The following SPOCK1 variants were observed in gnomAD, a reference collection of about 807,000 sequenced individuals.
SPOCK1 encodes SPARC (osteonectin), cwcv and kazal like domains proteoglycan 1.
Under a neutral mutation model 55.3 loss-of-function variants are expected in SPOCK1, and 23 were observed. The observed-to-expected ratio is 0.42, with a 90% CI of 0.30 to 0.59. The LOEUF is 0.59. Among genes scored for constraint, SPOCK1 ranks in the 20% least tolerant of loss-of-function variants. The probability of loss-of-function intolerance (pLI) is 0.22; values close to 1 mark genes in which losing one functional copy is unlikely to be tolerated. For missense variants in SPOCK1, 499 were observed against 552.5 expected (o/e 0.90, Z 0.97); for synonymous variants, 226 against 221.0 (o/e 1.02, Z -0.20).
chr5:137,198,178 TAAAAG>T (rs953571585), intron 3 of SPOCK1, among the ~76,000 whole-genome samples: 2 of 152,362 alleles, frequency 1.3e-5, no homozygotes, highest in South Asian at 2.1e-4. Context: ...TTCTATTCTA[TAAAAG>T]TATCAAAATT....
intron 6 of SPOCK1, among the ~76,000 whole-genome samples, chr5:137,016,639 C>G (rs947706090): frequency 3.3e-5 from 5 of 152,184 alleles, no homozygotes; most frequent in African/African-American, 9.7e-5. Flanking sequence ...TCATCTAGTT[C>G]TTGCACAATT....
At chr5:137,319,901 C>T (rs1163986071) in intron 2 of SPOCK1, among the ~76,000 whole-genome samples, 2 of 141,486 alleles carry the variant, frequency 1.4e-5, no homozygotes, top group African/African-American at 2.6e-5. Context: ...GCCGAGATTG[C>T]GCCACTGCAG....
chr5:137,082,830 C>T (rs1024445792), intron 5 of SPOCK1, among the ~76,000 whole-genome samples: 2 of 152,172 alleles, frequency 1.3e-5, no homozygotes, highest in African/African-American at 2.4e-5. Flanking sequence ...CCTTCTCTTC[C>T]GCTGATTTCA....
chr5:137,085,416 G>T (rs1752944628), intron 5 of SPOCK1, among the ~76,000 whole-genome samples: 1 of 152,218 alleles, frequency 6.6e-6, no homozygotes, highest in Admixed American at 6.5e-5. Context: ...CCAGTGAGAT[G>T]ATCCCACTCA....
chr5:137,052,767 G>T (rs970576550), intron 6 of SPOCK1, among the ~76,000 whole-genome samples: 4 of 152,094 alleles, frequency 2.6e-5, no homozygotes, highest in African/African-American at 9.7e-5. Flanking sequence ...TAATAGTAAA[G>T]ATTTTTAAAT....
intron 3 of SPOCK1, among the ~76,000 whole-genome samples, chr5:137,264,485 C>T (rs993658993): frequency 3.9e-5 from 6 of 152,138 alleles, no homozygotes; most frequent in Admixed American, 2.0e-4. Flanking sequence ...GCCTACTCCA[C>T]ACCCACCTCC....
In SPOCK1 at chr5:136,992,889, AAGAC is replaced by A. The variant is rs138247118; in HGVS notation, c.590-293_590-290del. The A allele has an allele frequency of 2.6e-3, 750 of 291,336 alleles. 5 individuals are homozygous for A. The highest frequency in any genetic ancestry group is 0.017 in the Middle Eastern group (18 of 1,058). The allele number at this position is 291,336 out of a possible 1,614,324, so 18.0% of individuals were successfully genotyped here. On this transcript the variant is annotated intron_variant, in intron 6 of 10. Transcript: ENST00000394945. ...TCTCACCGTTGTGTAGCATCCTCAG[AAGAC>A]AGACAATCACAGATCACTTTTGCTA...
intron 6 of SPOCK1, among the ~76,000 whole-genome samples, chr5:136,995,602 C>T (rs1751026274): frequency 6.6e-6 from 1 of 152,224 alleles, no homozygotes; most frequent in African/African-American, 2.4e-5. Context: ...TTGCCATGCG[C>T]ACCATCTATT....
intron 6 of SPOCK1, among the ~76,000 whole-genome samples, chr5:137,067,179 C>A (rs1752524873): frequency 6.6e-6 from 1 of 152,202 alleles, no homozygotes; most frequent in African/African-American, 2.4e-5. Flanking sequence ...TGAGCCCAAG[C>A]TTTCCTGGCC....
At chr5:137,327,060 A>T (rs1758094607) in intron 2 of SPOCK1, among the ~76,000 whole-genome samples, 1 of 152,222 alleles carries the variant, frequency 6.6e-6, no homozygotes, top group Admixed American at 6.5e-5. Flanking sequence ...ACTTTTTGAA[A>T]AGCCCAGGAG....
chr5:137,071,827 T>G (rs1372454524), intron 5 of SPOCK1, among the ~76,000 whole-genome samples: 2 of 152,148 alleles, frequency 1.3e-5, no homozygotes, highest in Admixed American at 6.5e-5. Context: ...CCCTCCTCCC[T>G]TCTCCCAGGT....
chr5:137,099,933 C>T (rs913087390), intron 5 of SPOCK1, among the ~76,000 whole-genome samples: 11 of 152,136 alleles, frequency 7.2e-5, no homozygotes, highest in African/African-American at 2.4e-4. Flanking sequence ...AGGATTCTGT[C>T]TGGATTTCAG....
chr5:137,240,717 CT>C (rs1173550103), intron 3 of SPOCK1, among the ~76,000 whole-genome samples: 12 of 151,948 alleles, frequency 7.9e-5, no homozygotes, highest in East Asian at 1.9e-4. Context: ...CAAGTTTATC[CT>C]TAAATACATT....
At chr5:137,332,395 G>A (rs1758203198) in intron 2 of SPOCK1, among the ~76,000 whole-genome samples, 1 of 152,088 alleles carries the variant, frequency 6.6e-6, no homozygotes, top group Non-Finnish European at 1.5e-5. Context: ...CCCACCCCGA[G>A]AACTCTGTGT....
intron 2 of SPOCK1, among the ~76,000 whole-genome samples, chr5:137,492,890 G>T (rs575803512): frequency 1.3e-5 from 2 of 152,290 alleles, no homozygotes; most frequent in South Asian, 4.2e-4. Context: ...TAGCCCTTTG[G>T]AATTCCAGCT....
chr5:137,130,825 G>A (rs1208806518), intron 4 of SPOCK1, among the ~76,000 whole-genome samples: 2 of 152,148 alleles, frequency 1.3e-5, no homozygotes, highest in African/African-American at 4.8e-5. Flanking sequence ...CAGCAACATT[G>A]GGTTCAATGT....
At chr5:137,277,791 C>A (rs188173001) in intron 2 of SPOCK1, among the ~76,000 whole-genome samples, 1 of 152,196 alleles carries the variant, frequency 6.6e-6, no homozygotes, top group Non-Finnish European at 1.5e-5. Flanking sequence ...TCCACCCCTA[C>A]CCTCAGGCCC....
chr5:137,140,774 G>C lies in SPOCK1; in HGVS notation c.233-80C>G, dbSNP rs1298683933. 16 of 359,334 alleles carry C rather than the reference G, an allele frequency of 4.5e-5. No individual in the cohort carries two copies. The East Asian group carries it at 5.5e-4, about 12-fold the overall frequency. 22.3% of individuals were successfully genotyped at this position (359,334 alleles called of 1,614,324 possible). ...TTTTTTTTTTTTTTTTTTTTTTTTTGTTGAGACGGACTCTCGCTGTGTTGC... is the reference window on the plus strand; with the variant it reads ...TTTTTTTTTTTTTTTTTTTTTTTTTCTTGAGACGGACTCTCGCTGTGTTGC... On this transcript the variant is annotated intron_variant, in intron 3 of 10. Transcript: ENST00000394945.
intron 3 of SPOCK1, among the ~76,000 whole-genome samples, chr5:137,253,618 G>A (rs1005817578): frequency 1.3e-5 from 2 of 152,136 alleles, no homozygotes; most frequent in African/African-American, 4.8e-5. Flanking sequence ...CAGCCATGTG[G>A]CTGTCTACTC....
Sources: gnomAD v4.1 joint callset for allele counts (sites outside exome capture counted in the v4.1 genomes callset) on GRCh38, gnomAD v4.1.1 for gene constraint, MANE v1.5 for transcripts, NCBI Gene and HGNC (gene_info 2026-07-23, HGNC 2026-07-21) for gene names.